The following MSI2 variants were observed in gnomAD, a reference collection of about 807,000 sequenced individuals.
The protein encoded by MSI2 is musashi RNA binding protein 2, also known as RNA-binding protein Musashi homolog 2.
MSI2 carries 17 observed loss-of-function variants against 45.6 expected under a neutral mutation model. The ratio of observed to expected loss-of-function variants is 0.37; its 90% CI spans 0.26 to 0.56. The LOEUF (loss-of-function observed/expected upper bound fraction) is 0.56. Among genes scored for constraint, MSI2 ranks in the 20% least tolerant of loss-of-function variants. MSI2 has a pLI of 0.77. For synonymous variants in MSI2, 156 were observed against 158.2 expected, an observed-to-expected ratio of 0.99 and a Z score of 0.11; for missense variants, 293 against 444.2, an observed-to-expected ratio of 0.66 and a Z score of 3.06.
intron 5 of MSI2, among the ~76,000 whole-genome samples, chr17:57,375,990 G>A (rs1982272): frequency 0.58 from 88,550 of 151,956 alleles, 26,896 homozygotes; most frequent in East Asian, 0.74. Context: ...CTTTAATTAG[G>A]TGATATGTGG....
chr17:57,269,080 T>C (rs1309846472), intron 5 of MSI2, among the ~76,000 whole-genome samples: 1 of 152,128 alleles, frequency 6.6e-6, no homozygotes, highest in Admixed American at 6.5e-5. Flanking sequence ...CAATCTAAGC[T>C]TCTAGGAAGA....
chr17:57,583,628 AG>A (rs1331107412), intron 7 of MSI2, among the ~76,000 whole-genome samples: 11 of 151,822 alleles, frequency 7.2e-5, no homozygotes, highest in African/African-American at 2.7e-4. Context: ...CCACGACGTC[AG>A]GCTAATTTAT....
At chr17:57,446,977 A>C (rs970348445) in intron 6 of MSI2, among the ~76,000 whole-genome samples, 1 of 152,174 alleles carries the variant, frequency 6.6e-6, no homozygotes, top group Non-Finnish European at 1.5e-5. Flanking sequence ...TGCTATGTAA[A>C]AGTTGCCTCC....
At chr17:57,454,454 T>C (rs1841219341) in intron 6 of MSI2, among the ~76,000 whole-genome samples, 1 of 150,228 alleles carries the variant, frequency 6.7e-6, no homozygotes, top group Non-Finnish European at 1.5e-5. Flanking sequence ...TTTTTTTTTT[T>C]TGAGATGGAT....
intron 5 of MSI2, among the ~76,000 whole-genome samples, chr17:57,341,497 G>C (rs960499384): frequency 6.6e-6 from 1 of 152,186 alleles, no homozygotes; most frequent in African/African-American, 2.4e-5. Flanking sequence ...ACCATCTAAG[G>C]CCAGGATGTC....
Position 57,627,388 on chromosome 17 carries a change from G to A in MSI2, c.727+85G>A. Reference sequence around the variant, plus strand: ...AGGTGAGAGGACCCCTAAAGAGAATGCATTTCTTACATGCATCCACTTGAA... The same window carrying A: ...AGGTGAGAGGACCCCTAAAGAGAATACATTTCTTACATGCATCCACTTGAA... On this transcript the variant is annotated intron_variant, in intron 10 of 13. Transcript: ENST00000284073. The surrounding 1 kb of genome is among the most constrained non-coding windows in gnomAD (Gnocchi z 4.6). The A allele has an allele frequency of 8.3e-7, 1 of 1,203,660 alleles. No individual in the cohort carries two copies. Among genetic ancestry groups the A allele is most frequent in the South Asian group, 1.2e-5 (1 of 81,710 alleles). 74.6% of individuals were successfully genotyped at this position (1,203,660 alleles called of 1,614,324 possible).
intron 5 of MSI2, among the ~76,000 whole-genome samples, chr17:57,317,020 A>T (rs928523577): frequency 6.6e-6 from 1 of 151,986 alleles, no homozygotes; most frequent in Non-Finnish European, 1.5e-5. Flanking sequence ...AAGAGTGCTC[A>T]AAAGCCATTT....
intron 6 of MSI2, among the ~76,000 whole-genome samples, chr17:57,406,105 A>G (rs1464570886): frequency 6.6e-6 from 1 of 152,178 alleles, no homozygotes; most frequent in Non-Finnish European, 1.5e-5. Context: ...ACGTTGATAT[A>G]CAGTAATTTG....
intron 6 of MSI2, among the ~76,000 whole-genome samples, chr17:57,460,676 T>C (rs1183993923): frequency 6.6e-6 from 1 of 152,010 alleles, no homozygotes; most frequent in Non-Finnish European, 1.5e-5. Context: ...CGAGGAACCA[T>C]GGCAGTAGGG....
At chr17:57,547,819 A>G (rs1470837908) in intron 7 of MSI2, among the ~76,000 whole-genome samples, 2 of 150,882 alleles carry the variant, frequency 1.3e-5, no homozygotes, top group African/African-American at 4.9e-5. Context: ...AACCTACCCA[A>G]TTGTTTTTGC....
intron 6 of MSI2, among the ~76,000 whole-genome samples, chr17:57,404,802 G>A (rs983267959): frequency 6.6e-6 from 1 of 152,120 alleles, no homozygotes; most frequent in Non-Finnish European, 1.5e-5. Context: ...CACACCGGGA[G>A]CTTTAAATAA....
intron 11 of MSI2, among the ~76,000 whole-genome samples, chr17:57,673,714 G>GA (rs34426627): frequency 1.1e-4 from 12 of 105,494 alleles, no homozygotes; most frequent in African/African-American, 5.9e-4. Flanking sequence ...TGATGGGATT[G>GA]GGGGGGCCGA....
intron 10 of MSI2, among the ~76,000 whole-genome samples, chr17:57,636,065 GA>G (rs1909812651): frequency 1.3e-5 from 2 of 152,270 alleles, no homozygotes; most frequent in Non-Finnish European, 2.9e-5. Context: ...CCTCTGGAGG[GA>G]AGCCGCTGTA....
At chr17:57,633,495 C>T (rs1160625230) in intron 10 of MSI2, among the ~76,000 whole-genome samples, 1 of 152,274 alleles carries the variant, frequency 6.6e-6, no homozygotes, top group Non-Finnish European at 1.5e-5. Flanking sequence ...GAGCCCCTCA[C>T]ATCTGTGCAC....
intron 11 of MSI2, among the ~76,000 whole-genome samples, chr17:57,672,641 C>G (rs917560266): frequency 6.6e-6 from 1 of 152,206 alleles, no homozygotes; most frequent in Non-Finnish European, 1.5e-5. Context: ...AAAAACTTTC[C>G]GTCTACCACT....
chr17:57,286,775 C>A (rs963727686), intron 5 of MSI2, among the ~76,000 whole-genome samples: 1 of 152,084 alleles, frequency 6.6e-6, no homozygotes, highest in Non-Finnish European at 1.5e-5. Flanking sequence ...ACCCACACCC[C>A]CTCCCCCGCT....
At chr17:57,482,593 A>G (rs1384805719) in intron 6 of MSI2, among the ~76,000 whole-genome samples, 1 of 152,214 alleles carries the variant, frequency 6.6e-6, no homozygotes, top group South Asian at 2.1e-4. Flanking sequence ...CTTTGGTGAC[A>G]GTGTGACCTT....
At chr17:57,265,259 A>T (rs1907669080) in intron 5 of MSI2, 1 of 152,210 alleles carries the variant, frequency 6.6e-6, no homozygotes, top group African/African-American at 2.4e-5. Context: ...TGTTCAGGTC[A>T]CAGTGGCAGA....
intron 7 of MSI2, among the ~76,000 whole-genome samples, chr17:57,577,289 G>A (rs1023007880): frequency 5.3e-5 from 8 of 152,168 alleles, no homozygotes; most frequent in Non-Finnish European, 7.3e-5. Flanking sequence ...ATGAAGTACC[G>A]AGGGGTGATG....
Sources: allele counts gnomAD v4.1 joint callset (sites outside exome capture counted in the v4.1 genomes callset), GRCh38; gene constraint gnomAD v4.1.1; non-coding constraint Gnocchi (gnomAD v3.1); transcripts MANE v1.5; gene names NCBI Gene and HGNC (gene_info 2026-07-23, HGNC 2026-07-21).